The following PAX5 variants were observed in gnomAD, a reference collection of about 807,000 sequenced individuals.
PAX5 encodes paired box protein Pax-5.
PAX5 carries 9 observed loss-of-function variants against 43.7 expected under a neutral mutation model. The observed-to-expected ratio is 0.21, with a 90% CI of 0.12 to 0.36. The LOEUF (loss-of-function observed/expected upper bound fraction) is 0.36. Ranked by LOEUF, PAX5 falls within the 10% of genes least tolerant of loss-of-function variation. The probability of loss-of-function intolerance (pLI) is 1.00; values close to 1 mark genes in which losing one functional copy is unlikely to be tolerated. For synonymous variants in PAX5, 228 were observed against 214.3 expected, an observed-to-expected ratio of 1.06 and a Z score of -0.56; for missense variants, 383 against 532.7, an observed-to-expected ratio of 0.72 and a Z score of 2.77.
At chr9:36,849,781 C>T (rs1350179805) in intron 8 of PAX5, among the ~76,000 whole-genome samples, 2 of 152,216 alleles carry the variant, frequency 1.3e-5, no homozygotes, top group African/African-American at 2.4e-5. Flanking sequence ...TGGGCACCCC[C>T]AACATGGGGC....
chr9:37,027,040 G>T (rs1840458215), intron 1 of PAX5, among the ~76,000 whole-genome samples: 1 of 152,188 alleles, frequency 6.6e-6, no homozygotes, highest in Non-Finnish European at 1.5e-5. Flanking sequence ...CTGGTTCCGC[G>T]GCCTCGATGC....
chr9:37,029,645 T>C (rs963399940), intron 1 of PAX5, among the ~76,000 whole-genome samples: 18 of 152,042 alleles, frequency 1.2e-4, no homozygotes, highest in African/African-American at 4.4e-4. Context: ...AGAATTCAGA[T>C]CCTCGGCCCA....
rs1821741411 is a variant in PAX5 at position 36,837,749 on chromosome 9, C to A, written c.*2811G>T. On this transcript the variant is annotated 3_prime_UTR_variant, in exon 10 of 10. Transcript: ENST00000358127. ...ACAAATACAAAACCAATCTGAGGAC[C>A]AGCAAAGCCTCAGGTGAGGGAGGAA... 2 of 233,296 alleles carry A rather than the reference C, an allele frequency of 8.6e-6. No homozygotes were observed. The highest frequency in any genetic ancestry group is 4.4e-5 in the African/African-American group (2 of 45,338). 14.5% of individuals were successfully genotyped at this position (233,296 alleles called of 1,614,324 possible). A position where few individuals can be genotyped will look rare whatever the true frequency, so the allele number is the denominator to read the frequency against.
At chr9:36,853,569 G>A (rs776691784) in intron 8 of PAX5, among the ~76,000 whole-genome samples, 2 of 152,190 alleles carry the variant, frequency 1.3e-5, no homozygotes, top group Non-Finnish European at 1.5e-5. Flanking sequence ...CAAAGCTAGA[G>A]GAATGTATGC....
At chr9:36,962,489 G>A (rs926345147) in intron 6 of PAX5, among the ~76,000 whole-genome samples, 14 of 152,196 alleles carry the variant, frequency 9.2e-5, no homozygotes, top group African/African-American at 2.7e-4. Flanking sequence ...CATTTGCCTC[G>A]GGGGTCCAAT....
At chr9:36,846,710 C>A in intron 9 of PAX5, 133 bp downstream of exon 9, 1 of 610,752 alleles carries the variant, frequency 1.6e-6, no homozygotes. Flanking sequence ...ACCTGTGCTC[C>A]ATGTGTCTGG....
intron 6 of PAX5, among the ~76,000 whole-genome samples, chr9:36,929,434 C>T (rs561732930): frequency 1.3e-5 from 2 of 152,212 alleles, no homozygotes; most frequent in Non-Finnish European, 2.9e-5. Context: ...GAGGTACACA[C>T]GCAGTCACAG....
In PAX5 at chr9:36,839,981, TG is replaced by T. The variant is rs894816803; in HGVS notation, c.*578del. 5 of 238,300 alleles carry T rather than the reference TG, an allele frequency of 2.1e-5. No homozygotes were observed. The highest frequency in any genetic ancestry group is 8.8e-5 in the African/African-American group (4 of 45,366). The allele number at this position is 238,300 out of a possible 1,614,324, so 14.8% of individuals were successfully genotyped here. A position where few individuals can be genotyped will look rare whatever the true frequency, so the allele number is the denominator to read the frequency against. ...AAAGAAGGAGGGATGAGCAGGAGGCTGGGGCCCAAGGGCAGCATCCTCCATC... is the reference window on the plus strand; with the variant it reads ...AAAGAAGGAGGGATGAGCAGGAGGCTGGGCCCAAGGGCAGCATCCTCCATC... On this transcript the variant is annotated 3_prime_UTR_variant, in exon 10 of 10. Transcript: ENST00000358127.
intron 6 of PAX5, among the ~76,000 whole-genome samples, chr9:36,964,594 CAAA>C (rs745521933): frequency 1.8e-4 from 9 of 49,628 alleles, no homozygotes; most frequent in African/African-American, 1.4e-4. Flanking sequence ...CTCCAGCTCA[CAAA>C]AAAAAAAAAA....
chr9:36,864,901 C>G (rs762551955), intron 8 of PAX5, among the ~76,000 whole-genome samples: 2 of 152,218 alleles, frequency 1.3e-5, no homozygotes, highest in African/African-American at 4.8e-5. Context: ...GCTCGCCCAC[C>G]GAATTAGGAC....
intron 6 of PAX5, among the ~76,000 whole-genome samples, chr9:36,928,724 CA>C (rs1830860467): frequency 6.6e-6 from 1 of 152,120 alleles, no homozygotes; most frequent in Admixed American, 6.5e-5. Context: ...CATCCCTATC[CA>C]ACATATTAAA....
At chr9:36,859,991 C>T (rs562960599) in intron 8 of PAX5, among the ~76,000 whole-genome samples, 5 of 150,878 alleles carry the variant, frequency 3.3e-5, no homozygotes, top group South Asian at 2.1e-4. Flanking sequence ...GCTGAGATCA[C>T]GCCACTGCAC....
intron 7 of PAX5, chr9:36,922,751 A>AGAAC (rs960701561): frequency 4.6e-5 from 7 of 152,840 alleles, no homozygotes; most frequent in Non-Finnish European, 1.0e-4. Flanking sequence ...GCCACAGCCC[A>AGAAC]GAACGCATAC....
At chr9:37,024,547 G>A (rs1210330633) in intron 1 of PAX5, among the ~76,000 whole-genome samples, 2 of 152,202 alleles carry the variant, frequency 1.3e-5, no homozygotes, top group Non-Finnish European at 2.9e-5. Context: ...GGCCTACATT[G>A]TGCAAGAAAA....
intron 5 of PAX5, among the ~76,000 whole-genome samples, chr9:36,973,115 GAA>G (rs1835091336): frequency 2.3e-5 from 2 of 87,266 alleles, no homozygotes; most frequent in African/African-American, 5.3e-5. Flanking sequence ...GAAAGGAAAG[GAA>G]AGGAAAGGAA....
At chr9:36,919,839 C>CAAAAAAAAAAAAAAAAAAAAAA (rs61173333) in intron 7 of PAX5, among the ~76,000 whole-genome samples, 1 of 66,210 alleles carries the variant, frequency 1.5e-5, no homozygotes, top group Admixed American at 1.8e-4. Context: ...GACTCTGTCT[C>CAAAAAAAAAAAAAAAAAAAAAA]AAAAAAAAAA....
chr9:36,939,618 A>G (rs968300594), intron 6 of PAX5, among the ~76,000 whole-genome samples: 2 of 152,234 alleles, frequency 1.3e-5, no homozygotes, highest in African/African-American at 4.8e-5. Flanking sequence ...GTCGGAAAAT[A>G]GCATCTGTAA....
At chr9:36,959,380 G>C (rs1282614254) in intron 6 of PAX5, among the ~76,000 whole-genome samples, 1 of 152,214 alleles carries the variant, frequency 6.6e-6, no homozygotes, top group Non-Finnish European at 1.5e-5. Context: ...GAAAGCTTGG[G>C]CTATTAGTGA....
At chr9:37,032,292 C>T (rs780754185) in intron 1 of PAX5, among the ~76,000 whole-genome samples, 1 of 152,154 alleles carries the variant, frequency 6.6e-6, no homozygotes, top group Non-Finnish European at 1.5e-5. Context: ...CACAGCTTGT[C>T]GGGAGAGCCA....
Sources: allele counts gnomAD v4.1 joint callset (sites outside exome capture counted in the v4.1 genomes callset), GRCh38; gene constraint gnomAD v4.1.1; transcripts MANE v1.5; gene names NCBI Gene and HGNC (gene_info 2026-07-23, HGNC 2026-07-21).